PFAS: variants seen among roughly 807,000 people sequenced by gnomAD.
PFAS encodes FGAM synthase.
A neutral mutation model predicts 140.6 loss-of-function variants in PFAS; 97 were observed. The observed-to-expected ratio is 0.69, with a 90% CI of 0.59 to 0.82. The LOEUF (loss-of-function observed/expected upper bound fraction) is 0.82, where lower values mean the gene tolerates loss of function less well. Ranked by LOEUF, PFAS falls within the 40% of genes least tolerant of loss-of-function variation. The pLI is 0.00. For missense variants in PFAS, 1,656 were observed against 1,780.2 expected (o/e 0.93, Z 1.26); for synonymous variants, 679 against 718.8 (o/e 0.94, Z 0.88).
chr17:8,256,029 G>T, intron 6 of PFAS, 119 bp downstream of exon 6: 2 of 854,276 alleles, frequency 2.3e-6, no homozygotes, highest in Admixed American at 2.5e-5. Flanking sequence ...TGAGGGCCTG[G>T]GCTCCCGTCA....
At chr17:8,268,008 A>T (rs937410694) in intron 26 of PFAS, among the ~76,000 whole-genome samples, 3 of 133,924 alleles carry the variant, frequency 2.2e-5, no homozygotes, top group African/African-American at 8.1e-5. Context: ...TATATTATTT[A>T]TATATATTAT....
Position 8,265,936 on chromosome 17 carries a change from C to A in PFAS, c.2620C>A (p.Gln874Lys). The A allele has an allele frequency of 1.9e-6, 3 of 1,613,714 alleles. No homozygotes were observed. ...CACAGCTCTGGCCCAGTGCTTCTCC[C>A]AGCTTGGGGAACACCCTCCAGACCT... is the stretch of plus-strand genomic sequence containing the variant. ...GGTALAQCFS[Q>K]LGEHPPDLDL... Residue 874 changes from glutamine (Q) to lysine (K), a missense_variant, in exon 21 of 28, where the codon CAG becomes AAG. Physicochemically the swap from Gln to Lys is moderately conservative, Grantham distance 53. This residue lies in a region of PFAS where 883 missense variants were observed against 1,023.0 expected (regional missense o/e 0.86). Coordinates refer to ENST00000314666, the MANE Select transcript of PFAS (RefSeq NM_012393.3).
Position 8,264,276 on chromosome 17 carries a change from C to A in PFAS, c.1856C>A (p.Thr619Lys). 5 of 1,613,916 alleles carry A rather than the reference C, an allele frequency of 3.1e-6. No individual in the cohort carries two copies. The highest frequency in any genetic ancestry group is 4.2e-6 in the Non-Finnish European group (5 of 1,179,880). ...AATGGCCAGGGGGATGCCCCCCCGA[C>A]ACCCCTGCCAACCCCTGTGGACCTG... Reference protein sequence around the residue: ...RRNGQGDAPPTPLPTPVDLEL... With the variant: ...RRNGQGDAPPKPLPTPVDLEL... The change falls in exon 16 of 28, where the codon ACA becomes AAA. Residue 619 changes from threonine to lysine, a missense_variant. Transcript: ENST00000314666.
chr17:8,264,992 AGGAGCTCATAGGGGCTGCCACAGCCTTG>A lies in PFAS; in HGVS notation c.2152_2179del (p.Leu718AsnfsTer36). The A allele has an allele frequency of 6.2e-7, 1 of 1,613,474 alleles. No homozygotes were observed. The highest frequency in any genetic ancestry group is 8.5e-7 in the Non-Finnish European group (1 of 1,179,846). On this transcript the variant is annotated frameshift_variant, in exon 18 of 28. Transcript: ENST00000314666. LOFTEE classifies it high-confidence loss of function. ...GTAGCGGTTGTGGCACTGAGCCATG[AGGAGCTCATAGGGGCTGCCACAGCCTTG>A]GGAGAACAGCCAGTCAAGAGCCTGC... is the stretch of plus-strand genomic sequence containing the variant.
At chr17:8,248,098 G>A, upstream of PFAS, 1 of 1,027,800 alleles carries the variant, frequency 9.7e-7, no homozygotes, top group South Asian at 1.4e-5. Flanking sequence ...GGATGGGGGT[G>A]GGGGGGCGCT....
At chr17:8,264,751 C>T in intron 17 of PFAS, 144 bp from the exon 18 acceptor site, 2 of 1,016,400 alleles carry the variant, frequency 2.0e-6, no homozygotes, top group Non-Finnish European at 2.9e-6. Context: ...CCTGGTCTCC[C>T]TGCTACCCAC....
At chr17:8,265,167 C>CATGA in intron 18 of PFAS, 42 bp downstream of exon 18, 1 of 1,579,474 alleles carries the variant, frequency 6.3e-7, no homozygotes. Flanking sequence ...CCCCGGGCTT[C>CATGA]AGGACCCTTC....
chr17:8,269,553 G>T lies in PFAS; in HGVS notation c.*289G>T. ...GGAAAAGTTAGGACTCCTGAGGTCC[G>T]AACAGGGGCTTCTGTTGCCCACTTC... On this transcript the variant is annotated 3_prime_UTR_variant, in exon 28 of 28. Transcript: ENST00000314666. 1 of 369,368 alleles carries T rather than the reference G, an allele frequency of 2.7e-6. No homozygotes were observed. Among genetic ancestry groups the T allele is most frequent in the South Asian group, 5.0e-5 (1 of 20,010 alleles). The allele number at this position is 369,368 out of a possible 1,614,324, so 22.9% of individuals were successfully genotyped here. A position where few individuals can be genotyped will look rare whatever the true frequency, so the allele number is the denominator to read the frequency against.
At chr17:8,260,681 A>G (rs566106687) in intron 11 of PFAS, among the ~76,000 whole-genome samples, 22 of 152,258 alleles carry the variant, frequency 1.4e-4, no homozygotes, top group Non-Finnish European at 8.8e-5. Flanking sequence ...CTGGAGCGTA[A>G]TGGCGCTTTC....
intron 16 of PFAS, 21 bp downstream of exon 16, chr17:8,264,358 G>A: frequency 1.2e-6 from 2 of 1,613,234 alleles, no homozygotes; most frequent in Non-Finnish European, 1.7e-6. Context: ...TTGAGGGGAT[G>A]GGTTTTTCCT....
At position 8,266,472 on chromosome 17, in the gene PFAS, C is replaced by A. The variant is rs766568836; in HGVS notation, c.2821+119C>A. The stretch of plus-strand genomic sequence containing the variant: ...TCCCCTTTCCCTGAGTCTTCCCTGA[C>A]TAGCTTTTCTGTGCTGTCTCTCTGA... On this transcript the variant is annotated intron_variant, in intron 22 of 27. Transcript: ENST00000314666. This position sits in a 1 kb window ranked among gnomAD's most constrained non-coding sequence, Gnocchi z 5.0. 18 of 1,515,534 alleles carry A rather than the reference C, an allele frequency of 1.2e-5. No individual in the cohort carries two copies. The highest frequency in any genetic ancestry group is 9.2e-5 in the South Asian group (7 of 75,954). 93.9% of individuals were successfully genotyped at this position (1,515,534 alleles called of 1,614,324 possible). A position where few individuals can be genotyped will look rare whatever the true frequency, so the allele number is the denominator to read the frequency against.
Position 8,268,874 on chromosome 17 carries a change from C to G in PFAS, c.3706+18C>G, listed in dbSNP as rs1210187501. ...CGGGGAAGGTCAGGCCCAAGGAAGG[C>G]TGGGGGAGGGCCCGAGGGTTGGGGG... On this transcript the variant is annotated intron_variant, in intron 27 of 27. Coordinates refer to ENST00000314666, the MANE Select transcript of PFAS (RefSeq NM_012393.3). The G allele has an allele frequency of 1.2e-6, 2 of 1,611,040 alleles. No homozygotes were observed. The highest frequency in any genetic ancestry group is 1.7e-6 in the Non-Finnish European group (2 of 1,179,850).
rs760527022 is a variant in PFAS, at chr17:8,266,293, G to C, written c.2761G>C (p.Glu921Gln). ...CGGAGGCCTCGTCACATGCCTGCTGGAGATGGCCTTTGCTGGAAATTGCGG... is the reference window on the plus strand; with the variant it reads ...CGGAGGCCTCGTCACATGCCTGCTGCAGATGGCCTTTGCTGGAAATTGCGG... ...SDGGLVTCLLEMAFAGNCGLQ... is the reference protein window; with the variant it reads ...SDGGLVTCLLQMAFAGNCGLQ... Residue 921 changes from glutamate (E) to glutamine (Q), a missense_variant, in exon 22 of 28, where the codon GAG becomes CAG. Physicochemically the swap from Glu to Gln is conservative, Grantham distance 29 (BLOSUM62 2). This residue lies in a region of PFAS where 883 missense variants were observed against 1,023.0 expected (regional missense o/e 0.86). Coordinates refer to ENST00000314666, the MANE Select transcript of PFAS (RefSeq NM_012393.3). This position sits in a 1 kb window ranked among gnomAD's most constrained non-coding sequence, Gnocchi z 5.0. The C allele has an allele frequency of 4.3e-6, 7 of 1,613,982 alleles. No individual in the cohort carries two copies. Among genetic ancestry groups the C allele is most frequent in the Non-Finnish European group, 1.7e-6 (2 of 1,179,998 alleles).
rs1989878264 is a variant in PFAS at position 8,267,760 on chromosome 17, C to T, written c.3382+95C>T. On this transcript the variant is annotated intron_variant, in intron 26 of 27. Coordinates refer to ENST00000314666, the MANE Select transcript of PFAS (RefSeq NM_012393.3). The surrounding 1 kb of genome is among the most constrained non-coding windows in gnomAD (Gnocchi z 4.9). ...CTGGGCTGGGGATTGGCCTCTCACTCCACCGAGCTACGAGAGAGTGGGCCC... is the reference window on the plus strand; with the variant it reads ...CTGGGCTGGGGATTGGCCTCTCACTTCACCGAGCTACGAGAGAGTGGGCCC... The T allele has an allele frequency of 4.8e-5, 32 of 668,108 alleles. No individual in the cohort carries two copies. The South Asian group carries it at 5.0e-4, about 11-fold the overall frequency. The allele number at this position is 668,108 out of a possible 1,614,324, so 41.4% of individuals were successfully genotyped here.
upstream of PFAS, chr17:8,247,897 G>C: frequency 2.5e-6 from 3 of 1,185,284 alleles, no homozygotes; most frequent in Non-Finnish European, 3.7e-6. Flanking sequence ...CCCATGGGCC[G>C]GACGCGGCCA....
chr17:8,263,877 G>C lies in PFAS; in HGVS notation c.1732G>C (p.Val578Leu), dbSNP rs746354140. The change falls in exon 15 of 28, where the codon GTC becomes CTC. Residue 578 changes from valine (V) to leucine (L), a missense_variant. Transcript: ENST00000314666. ...CCCCAACCGGGACTTCCTGACTCAT[G>C]TCAGTGCCCGTGAACGTTGCCCGGC... Reference protein sequence around the residue: ...RSPNRDFLTHVSARERCPACF... With the variant: ...RSPNRDFLTHLSARERCPACF... 6.2e-7 allele frequency: 1 copy of C among 1,614,024 alleles called. No homozygotes were observed. Among genetic ancestry groups the C allele is most frequent in the African/African-American group, 1.3e-5 (1 of 74,920 alleles).
At chr17:8,251,580 C>T (rs1169735261) in intron 1 of PFAS, among the ~76,000 whole-genome samples, 5 of 151,662 alleles carry the variant, frequency 3.3e-5, no homozygotes, top group East Asian at 3.9e-4. Context: ...GGATTATAGG[C>T]GTGAGCCACT....
rs1356138328 is a variant in PFAS at position 8,266,726 on chromosome 17, C to A, written c.2822-27C>A. 1 of 1,578,256 alleles carries A rather than the reference C, an allele frequency of 6.3e-7. No individual in the cohort carries two copies. On this transcript the variant is annotated intron_variant, in intron 22 of 27. Transcript: ENST00000314666. The surrounding 1 kb of genome is among the most constrained non-coding windows in gnomAD (Gnocchi z 5.0). ...AACTCCCTTGGCCCTTCTTGCATCC[C>A]CCTGACTCCCCACATTGCTCTCCCA...
intron 11 of PFAS, among the ~76,000 whole-genome samples, chr17:8,260,365 T>C (rs1282629337): frequency 1.3e-5 from 2 of 152,214 alleles, no homozygotes; most frequent in Non-Finnish European, 2.9e-5. Context: ...AAAATGTCAT[T>C]AGTCAGCCCA....
Sources: gnomAD v4.1 joint callset for allele counts (sites outside exome capture counted in the v4.1 genomes callset) on GRCh38, gnomAD v4.1.1 for gene constraint, gnomAD v4.1.1 regional missense constraint, Gnocchi (gnomAD v3.1) non-coding constraint, MANE v1.5 for transcripts, NCBI Gene and HGNC (gene_info 2026-07-23, HGNC 2026-07-21) for gene names.